The following DLG2 variants were observed in gnomAD, a reference collection of about 807,000 sequenced individuals.
DLG2 encodes disks large homolog 2.
In DLG2, 45 loss-of-function variants were observed where a neutral mutation model predicts 132.5. That is an observed-to-expected ratio of 0.34 (90% CI 0.27 to 0.44). DLG2 has a LOEUF of 0.44. DLG2 is among the 20% of genes least tolerant of loss of function. The probability of loss-of-function intolerance (pLI) is 1.00; values close to 1 mark genes in which losing one functional copy is unlikely to be tolerated. For synonymous variants in DLG2, 424 were observed against 419.6 expected (o/e 1.01, Z -0.13); for missense variants, 1,045 against 1,196.9 (o/e 0.87, Z 1.87).
Position 83,633,281 on chromosome 11 carries a change from T to C in DLG2, c.1870A>G (p.Met624Val), listed in dbSNP as rs746249929. The C allele has an allele frequency of 6.2e-7, 1 of 1,613,734 alleles. No individual in the cohort carries two copies. Among genetic ancestry groups the C allele is most frequent in the Non-Finnish European group, 8.5e-7 (1 of 1,179,744 alleles). The change falls in exon 19 of 28, where the codon ATG becomes GTG. Residue 624 changes from methionine to valine, a missense_variant. By Grantham distance (21) the Met-to-Val change is conservative. Around this residue, in one of 4 missense-constraint regions of DLG2, gnomAD observed 398 missense variants for 543.6 expected, o/e 0.73. Transcript: ENST00000376104. ...EAKIHDLREQMMNHSMSSGSG... is the reference protein window; with the variant it reads ...EAKIHDLREQVMNHSMSSGSG... The stretch of plus-strand genomic sequence containing the variant: ...CCGGAGCTCATGCTGTGGTTCATCA[T>C]CTGCTCTCGTAGGTCATGGATTTTG...
At chr11:84,142,094 G>C (rs1436437904) in intron 9 of DLG2, among the ~76,000 whole-genome samples, 3 of 152,012 alleles carry the variant, frequency 2.0e-5, no homozygotes, top group African/African-American at 7.2e-5. Context: ...ATGAGGTCAA[G>C]AGATCGAGAC....
intron 7 of DLG2, among the ~76,000 whole-genome samples, chr11:84,460,977 T>C (rs2099078715): frequency 6.6e-6 from 1 of 150,884 alleles, no homozygotes; most frequent in Non-Finnish European, 1.5e-5. Flanking sequence ...ATGTGTAACA[T>C]ACTTTAATCA....
At chr11:84,598,074 A>T (rs950594091) in intron 6 of DLG2, among the ~76,000 whole-genome samples, 1 of 152,222 alleles carries the variant, frequency 6.6e-6, no homozygotes, top group Non-Finnish European at 1.5e-5. Flanking sequence ...TAAGATATCC[A>T]AAGTTGCAGA....
At chr11:85,171,140 C>T (rs1460751076) in intron 4 of DLG2, among the ~76,000 whole-genome samples, 2 of 152,130 alleles carry the variant, frequency 1.3e-5, no homozygotes, top group African/African-American at 4.8e-5. Flanking sequence ...CAATTAGAAG[C>T]AGCTGCAGTC....
At chr11:85,517,253 C>G (rs2094187569) in intron 3 of DLG2, among the ~76,000 whole-genome samples, 1 of 151,932 alleles carries the variant, frequency 6.6e-6, no homozygotes, top group Middle Eastern at 3.2e-3. Context: ...AAAAAACCCT[C>G]CCCAAGATAG....
chr11:84,732,635 G>GTA (rs1308963948), intron 6 of DLG2, among the ~76,000 whole-genome samples: 7 of 151,024 alleles, frequency 4.6e-5, no homozygotes, highest in East Asian at 3.9e-4. Flanking sequence ...AGAGTTTTAT[G>GTA]TATATATATA....
At chr11:83,870,911 C>G (rs1461427057) in intron 16 of DLG2, among the ~76,000 whole-genome samples, 1 of 152,086 alleles carries the variant, frequency 6.6e-6, no homozygotes, top group Non-Finnish European at 1.5e-5. Context: ...AGACATAATC[C>G]GAGGAAATGT....
At chr11:84,365,541 T>C (rs1433888260) in intron 7 of DLG2, among the ~76,000 whole-genome samples, 7 of 152,236 alleles carry the variant, frequency 4.6e-5, no homozygotes, top group African/African-American at 1.4e-4. Flanking sequence ...AGTTATTTCT[T>C]GCCTTCTGCT....
chr11:85,186,642 G>C lies in DLG2; in HGVS notation c.187-31991C>G, dbSNP rs113907815. On this transcript the variant is annotated intron_variant, in intron 4 of 27. Transcript: ENST00000376104. ...CTATTTTAAGACAGAACATAGATACGTAGTAGTGTATTCATGTTGTGATAA... is the reference window on the plus strand; with the variant it reads ...CTATTTTAAGACAGAACATAGATACCTAGTAGTGTATTCATGTTGTGATAA... 7.4e-4 allele frequency among the ~76,000 whole-genome samples: 112 copies of C among 152,168 alleles called. No individual in the cohort carries two copies. In the Middle Eastern group the frequency reaches 0.014, roughly 18 times the overall value.
intron 6 of DLG2, chr11:84,545,198 G>A: frequency 2.2e-6 from 1 of 455,026 alleles, no homozygotes; most frequent in Non-Finnish European, 4.3e-6. Context: ...TGGTTTCATG[G>A]TTTGGCAAAG....
chr11:84,547,226 G>T (rs1377095124), intron 6 of DLG2, among the ~76,000 whole-genome samples: 2 of 152,048 alleles, frequency 1.3e-5, no homozygotes, highest in Non-Finnish European at 2.9e-5. Flanking sequence ...TATGTTATTT[G>T]ATTATAAAAA....
At chr11:84,225,471 T>C (rs1389338049) in intron 8 of DLG2, among the ~76,000 whole-genome samples, 2 of 152,216 alleles carry the variant, frequency 1.3e-5, no homozygotes, top group Admixed American at 6.5e-5. Context: ...TCACGATTTT[T>C]AATTGTCCTG....
At chr11:83,710,070 G>A (rs2085035197) in intron 18 of DLG2, among the ~76,000 whole-genome samples, 2 of 152,196 alleles carry the variant, frequency 1.3e-5, no homozygotes, top group African/African-American at 4.8e-5. Flanking sequence ...GAAAACAAAG[G>A]AGAGAGGAAT....
chr11:85,544,625 C>T (rs1041279126), intron 3 of DLG2, among the ~76,000 whole-genome samples: 1 of 152,302 alleles, frequency 6.6e-6, no homozygotes, highest in Admixed American at 6.5e-5. Context: ...AATCCATGAG[C>T]ATGGAATGTT....
chr11:84,093,816 T>C (rs942374636), intron 10 of DLG2, among the ~76,000 whole-genome samples: 5 of 151,982 alleles, frequency 3.3e-5, no homozygotes, highest in Admixed American at 1.3e-4. Flanking sequence ...GGTTTTACCA[T>C]GTTGGCCAGG....
At chr11:84,957,999 G>A (rs1358719811) in intron 6 of DLG2, among the ~76,000 whole-genome samples, 1 of 152,098 alleles carries the variant, frequency 6.6e-6, no homozygotes, top group Non-Finnish European at 1.5e-5. Flanking sequence ...GTCCCATTTG[G>A]CTACCTAGTA....
chr11:85,598,384 C>T (rs1258702073), intron 3 of DLG2, among the ~76,000 whole-genome samples: 1 of 152,082 alleles, frequency 6.6e-6, no homozygotes, highest in Non-Finnish European at 1.5e-5. Context: ...TCTGTGTAAA[C>T]TTTTCTTCCT....
chr11:85,608,832 C>T (rs990757309), intron 2 of DLG2, among the ~76,000 whole-genome samples: 9 of 152,180 alleles, frequency 5.9e-5, no homozygotes, highest in African/African-American at 2.2e-4. Context: ...TAGGGCAAAC[C>T]TTCAATCTCT....
chr11:84,651,408 C>T (rs1312016534), intron 6 of DLG2, among the ~76,000 whole-genome samples: 1 of 152,140 alleles, frequency 6.6e-6, no homozygotes, highest in African/African-American at 2.4e-5. Context: ...TGGGGGAGAA[C>T]TCAGTGATAC....
Sources: gnomAD v4.1 joint callset for allele counts (sites outside exome capture counted in the v4.1 genomes callset) on GRCh38, gnomAD v4.1.1 for gene constraint, gnomAD v4.1.1 regional missense constraint, MANE v1.5 for transcripts, NCBI Gene and HGNC (gene_info 2026-07-23, HGNC 2026-07-21) for gene names.